The following FRMPD4 variants were observed in gnomAD, a reference collection of about 807,000 sequenced individuals.
The protein encoded by FRMPD4 is FERM and PDZ domain containing 4.
Under a neutral mutation model 94.1 loss-of-function variants are expected in FRMPD4, and 22 were observed. The ratio of observed to expected loss-of-function variants is 0.23; its 90% CI spans 0.17 to 0.33. The LOEUF is 0.33. Ranked by LOEUF, FRMPD4 falls within the 10% of genes least tolerant of loss-of-function variation. FRMPD4 has a pLI of 1.00. For synonymous variants in FRMPD4, 631 were observed against 548.6 expected (o/e 1.15, Z -2.10); for missense variants, 1,111 against 1,339.9 (o/e 0.83, Z 2.67).
chrX:12,127,899 A>T (rs1229426758), intron 3 of FRMPD4, among the ~76,000 whole-genome samples: 2 of 113,097 alleles, frequency 1.8e-5, no homozygotes, highest in African/African-American at 6.4e-5. Flanking sequence ...CAGTCATGAA[A>T]CCTTAAAGTT....
intron 3 of FRMPD4, among the ~76,000 whole-genome samples, chrX:12,057,977 A>G (rs2054863751): frequency 9.0e-6 from 1 of 111,319 alleles, no homozygotes; most frequent in African/African-American, 3.3e-5. Flanking sequence ...GGAAGTGCTT[A>G]TATAAGCATC....
At chrX:11,866,416 A>G (rs889694871) in intron 2 of FRMPD4, among the ~76,000 whole-genome samples, 6 of 111,756 alleles carry the variant, frequency 5.4e-5, no homozygotes, top group South Asian at 3.7e-4. Flanking sequence ...ATAGTAGGAG[A>G]AACAAGGTGA....
intron 1 of FRMPD4, among the ~76,000 whole-genome samples, chrX:12,437,693 T>C (rs750625377): frequency 2.7e-5 from 3 of 112,188 alleles, no homozygotes; most frequent in Admixed American, 9.5e-5. Flanking sequence ...TTAATCTCTT[T>C]CCATCTGTGT....
chrX:12,471,441 T>C (rs2057510632), intron 1 of FRMPD4, among the ~76,000 whole-genome samples: 1 of 111,741 alleles, frequency 8.9e-6, no homozygotes. Context: ...CACTAAAGTT[T>C]AAGGAGTAGA....
chrX:12,572,401 G>A (rs1042576271), intron 2 of FRMPD4, among the ~76,000 whole-genome samples: 13 of 112,343 alleles, frequency 1.2e-4, no homozygotes, highest in African/African-American at 4.2e-4. Flanking sequence ...CATAATTAAA[G>A]GGGAAATGAT....
At chrX:11,954,933 A>T (rs2054246336) in intron 3 of FRMPD4, among the ~76,000 whole-genome samples, 1 of 111,248 alleles carries the variant, frequency 9.0e-6, no homozygotes, top group African/African-American at 3.3e-5. Flanking sequence ...AATAACAAGA[A>T]TAGGTGTCTT....
chrX:11,869,261 CT>C (rs1475515496), intron 2 of FRMPD4, among the ~76,000 whole-genome samples: 1 of 111,964 alleles, frequency 8.9e-6, no homozygotes, highest in Non-Finnish European at 1.9e-5. Context: ...GAGTTCATTT[CT>C]GTGGTTTGAT....
At chrX:11,998,903 A>C (rs920624417) in intron 3 of FRMPD4, among the ~76,000 whole-genome samples, 10 of 111,990 alleles carry the variant, frequency 8.9e-5, no homozygotes, top group African/African-American at 3.2e-4. Flanking sequence ...ACTTAAACAA[A>C]CTAGTTGACT....
intron 4 of FRMPD4, among the ~76,000 whole-genome samples, chrX:12,627,881 GATAA>G (rs1414160987): frequency 8.9e-6 from 1 of 112,059 alleles, no homozygotes; most frequent in African/African-American, 3.2e-5. Flanking sequence ...AATGGAAGGA[GATAA>G]TTATTGAACC....
intron 3 of FRMPD4, among the ~76,000 whole-genome samples, chrX:11,904,254 G>A (rs983709994): frequency 8.9e-6 from 1 of 111,756 alleles, no homozygotes; most frequent in East Asian, 2.8e-4. Context: ...TATTTCTTAC[G>A]ATGTCTGTTT....
chrX:11,997,862 C>T (rs1197204623), intron 3 of FRMPD4, among the ~76,000 whole-genome samples: 2 of 111,334 alleles, frequency 1.8e-5, no homozygotes, highest in Non-Finnish European at 1.9e-5. Context: ...ATAATCCAAA[C>T]TTTCACAATT....
chrX:12,124,433 C>T (rs1450934476), intron 3 of FRMPD4, among the ~76,000 whole-genome samples: 1 of 111,389 alleles, frequency 9.0e-6, no homozygotes, highest in Non-Finnish European at 1.9e-5. Context: ...TTTGAAGGGC[C>T]TATTTCATAA....
At chrX:12,176,225 T>G (rs2056293181) in intron 1 of FRMPD4, among the ~76,000 whole-genome samples, 1 of 112,077 alleles carries the variant, frequency 8.9e-6, no homozygotes, top group African/African-American at 3.2e-5. Context: ...CATCAGGATT[T>G]TCAAAAGAAG....
chrX:12,012,919 G>A lies in FRMPD4; in HGVS notation c.95+134901G>A, dbSNP rs776485831. ...ATGAACAAGACACAGAAGTGGAAAG[G>A]ATGATGGGAAATTCAAGAACTAGTG... is the stretch of plus-strand genomic sequence containing the variant. On this transcript the variant is annotated intron_variant, in intron 3 of 18. Coordinates refer to the FRMPD4 transcript ENST00000640291. 5.4e-3 allele frequency among the ~76,000 whole-genome samples: 604 copies of A among 112,110 alleles called. 1 individual carries two copies. The highest frequency in any genetic ancestry group is 0.023 in the Middle Eastern group (5 of 215).
chrX:12,446,361 T>G (rs927335510), intron 1 of FRMPD4, among the ~76,000 whole-genome samples: 4 of 112,255 alleles, frequency 3.6e-5, no homozygotes, highest in African/African-American at 1.3e-4. Flanking sequence ...AGTAGCAACT[T>G]GCAATACTGA....
intron 3 of FRMPD4, among the ~76,000 whole-genome samples, chrX:12,111,276 A>T (rs1443684835): frequency 4.5e-5 from 5 of 111,545 alleles, no homozygotes; most frequent in African/African-American, 6.5e-5. Flanking sequence ...CACATCTACA[A>T]CCATCTGATC....
chrX:12,641,771 T>C (rs2059501870), intron 4 of FRMPD4, among the ~76,000 whole-genome samples: 1 of 112,636 alleles, frequency 8.9e-6, no homozygotes, highest in Admixed American at 9.4e-5. Context: ...AGGAAAACTA[T>C]GCTTTTCTAA....
rs183443185 is a variant in FRMPD4, at chrX:12,239,720, T to G, written c.41+100708T>G. ...AACAACAAACAGTTATTTCTCACAG[T>G]TTTGGAGGCTAGAAGTCTGAAATCA... On this transcript the variant is annotated intron_variant, in intron 1 of 16. Transcript: ENST00000675598. 4.5e-5 allele frequency among the ~76,000 whole-genome samples: 5 copies of G among 111,761 alleles called. No individual in the cohort carries two copies. The East Asian group carries it at 1.4e-3, about 31-fold the overall frequency.
At chrX:12,437,824 G>A (rs187260238) in intron 1 of FRMPD4, among the ~76,000 whole-genome samples, 2 of 111,879 alleles carry the variant, frequency 1.8e-5, no homozygotes, top group African/African-American at 6.5e-5. Flanking sequence ...GTTTATAAAC[G>A]TTAGTCTATT....
Sources: gnomAD v4.1 joint callset for allele counts (sites outside exome capture counted in the v4.1 genomes callset) on GRCh38, gnomAD v4.1.1 for gene constraint, MANE v1.5 for transcripts, NCBI Gene and HGNC (gene_info 2026-07-23, HGNC 2026-07-21) for gene names.